Variants in PLOD3 observed in about 807,000 individuals in gnomAD.
The protein encoded by PLOD3 is procollagen-lysine,2-oxoglutarate 5-dioxygenase 3.
Under a neutral mutation model 96.9 loss-of-function variants are expected in PLOD3, and 73 were observed. The observed-to-expected ratio is 0.75, with a 90% confidence interval of 0.62 to 0.92. The LOEUF (loss-of-function observed/expected upper bound fraction) is 0.92, where lower values mean the gene tolerates loss of function less well. Ranked by LOEUF, PLOD3 falls within the 40% of genes least tolerant of loss-of-function variation. The probability of loss-of-function intolerance (pLI) is 0.00; values close to 1 mark genes in which losing one functional copy is unlikely to be tolerated. For missense variants in PLOD3, 1,004 were observed against 1,004.3 expected, an observed-to-expected ratio of 1.00 and a Z score of 0.00; for synonymous variants, 454 against 413.7, an observed-to-expected ratio of 1.10 and a Z score of -1.18.
At chr7:101,217,027 G>T in intron 1 of PLOD3, 139 bp downstream of exon 1, 1 of 998,468 alleles carries the variant, frequency 1.0e-6, no homozygotes, top group Non-Finnish European at 1.4e-6. Flanking sequence ...CGAGGGGCTT[G>T]GCGCGACTCA....
chr7:101,216,194 C>T lies in PLOD3; in HGVS notation c.471G>A (p.Val157=), dbSNP rs933104019. ...AATTGAGGAAGCGCTTCCCCGTGCC[C>T]ACCTCAGGGTACTGCTCCGCCAGCC... ...EWGLAEQYPE[V]GTGKRFLNSG... The change falls in exon 4 of 19, where the codon GTG becomes GTA. Residue 157 remains valine, a synonymous_variant. Coordinates refer to ENST00000223127, the MANE Select transcript of PLOD3 (RefSeq NM_001084.5). The T allele has an allele frequency of 3.1e-6, 5 of 1,614,062 alleles. No homozygotes were observed. The highest frequency in any genetic ancestry group is 4.2e-6 in the Non-Finnish European group (5 of 1,180,030).
In PLOD3 at chr7:101,216,084, G is replaced by A. The variant is rs1798266280; in HGVS notation, c.503-64C>T. ...GGTCCCAGGGCCTGTCCCCCAGGCTGTCTCCAGCCCTCAGGCGCCTTTAAC... is the reference window on the plus strand; with the variant it reads ...GGTCCCAGGGCCTGTCCCCCAGGCTATCTCCAGCCCTCAGGCGCCTTTAAC... On this transcript the variant is annotated intron_variant, in intron 4 of 18. Transcript: ENST00000223127. 1.9e-6 allele frequency: 3 copies of A among 1,607,394 alleles called. No individual in the cohort carries two copies. The East Asian group carries it at 6.7e-5, about 36-fold the overall frequency.
Position 101,206,095 on chromosome 7 carries a change from G to A in PLOD3, c.*186C>T, listed in dbSNP as rs1341878749. 1.9e-5 allele frequency: 13 copies of A among 690,028 alleles called. No homozygotes were observed. Among genetic ancestry groups the A allele is most frequent in the South Asian group, 4.8e-5 (3 of 62,130 alleles). 42.7% of individuals were successfully genotyped at this position (690,028 alleles called of 1,614,324 possible). On this transcript the variant is annotated 3_prime_UTR_variant, in exon 19 of 19. Coordinates refer to ENST00000223127, the MANE Select transcript of PLOD3 (RefSeq NM_001084.5). ...ACCCCTGTGGGCGGAGGAGAGAGGCGGGGACTCCGGGAGCTTCCTGAGAGG... is the reference window on the plus strand; with the variant it reads ...ACCCCTGTGGGCGGAGGAGAGAGGCAGGGACTCCGGGAGCTTCCTGAGAGG...
Position 101,217,557 on chromosome 7 carries a change from G to T in PLOD3, c.-283C>A. On this transcript the variant is annotated 5_prime_UTR_variant, in exon 1 of 19. Transcript: ENST00000223127. Reference sequence around the variant, plus strand: ...GGCGGGCGGGAGACAGGGACTCTGGGCTGAGCCAGCCGCTTGACACATGTG... The same window carrying T: ...GGCGGGCGGGAGACAGGGACTCTGGTCTGAGCCAGCCGCTTGACACATGTG... 2.0e-6 allele frequency: 1 copy of T among 488,028 alleles called. No individual in the cohort carries two copies. Among genetic ancestry groups the T allele is most frequent in the Non-Finnish European group, 3.6e-6 (1 of 276,984 alleles). 30.2% of individuals were successfully genotyped at this position (488,028 alleles called of 1,614,324 possible).
At chr7:101,214,671 C>G (rs530908070) in intron 6 of PLOD3, among the ~76,000 whole-genome samples, 119 of 152,068 alleles carry the variant, frequency 7.8e-4, no homozygotes, top group African/African-American at 2.7e-3. Flanking sequence ...AACCCTGTCT[C>G]TACTAAAAAT....
rs762101725 is a variant in PLOD3, at chr7:101,211,729, G to A, written c.1233-13C>T. On this transcript the variant is annotated splice_polypyrimidine_tract_variant and intron_variant, in intron 11 of 18. Coordinates refer to ENST00000223127, the MANE Select transcript of PLOD3 (RefSeq NM_001084.5). ...GGCGATCACCTTCCTGCGGACAGGT[G>A]GGGGTGAGGGCTGGGCAGACGGGAG... 5.0e-6 allele frequency: 8 copies of A among 1,600,648 alleles called. No individual in the cohort carries two copies. The highest frequency in any genetic ancestry group is 2.3e-5 in the East Asian group (1 of 44,254).
chr7:101,207,086 A>C (rs533775324), intron 17 of PLOD3, among the ~76,000 whole-genome samples, 182 bp from the exon 18 acceptor site: 196 of 151,880 alleles, frequency 1.3e-3, no homozygotes, highest in Middle Eastern at 3.4e-3. Context: ...AGCAATTCTC[A>C]TGCCTCAGCC....
chr7:101,215,763 A>G, intron 5 of PLOD3, 145 bp downstream of exon 5: 1 of 694,332 alleles, frequency 1.4e-6, no homozygotes, highest in South Asian at 1.5e-5. Context: ...AAGCCTCCCA[A>G]AAGTCTTGGA....
Position 101,212,877 on chromosome 7 carries a change from A to G in PLOD3, c.844T>C (p.Cys282Arg). The G allele has an allele frequency of 6.2e-7, 1 of 1,613,640 alleles. No homozygotes were observed. The highest frequency in any genetic ancestry group is 1.3e-5 in the African/African-American group (1 of 74,982). The stretch of plus-strand genomic sequence containing the variant: ...GGGAGTGTCCTCCGGTCCTGGTTGC[A>G]GAAGCCACAGCCTCCCTCAGGAGTC... ...GWTPEGGCGF[C>R]NQDRRTLPGG... The change falls in exon 8 of 19, where the codon TGC becomes CGC. Residue 282 changes from cysteine (C) to arginine (R), a missense_variant. By Grantham distance (180) the Cys-to-Arg change is radical (BLOSUM62 -3). Coordinates refer to ENST00000223127, the MANE Select transcript of PLOD3 (RefSeq NM_001084.5).
At chr7:101,208,539 C>T in intron 16 of PLOD3, 1 of 368,578 alleles carries the variant, frequency 2.7e-6, no homozygotes, top group Non-Finnish European at 5.3e-6. Context: ...CCGCACCTGG[C>T]CCAAACTCGG....
intron 12 of PLOD3, 94 bp downstream of exon 12, chr7:101,211,497 T>C: frequency 7.5e-7 from 1 of 1,341,792 alleles, no homozygotes; most frequent in Non-Finnish European, 1.0e-6. Context: ...CACCTCTGAC[T>C]GGTGACCACT....
In PLOD3 at chr7:101,216,205, ACTGCTCCGCC is replaced by A; in HGVS notation, c.450_459del (p.Ala151ThrfsTer51). The A allele has an allele frequency of 6.2e-7, 1 of 1,613,944 alleles. No individual in the cohort carries two copies. The highest frequency in any genetic ancestry group is 8.5e-7 in the Non-Finnish European group (1 of 1,179,994). On this transcript the variant is annotated frameshift_variant, in exon 4 of 19. Transcript: ENST00000223127. LOFTEE classifies it high-confidence loss of function. ...CGCTTCCCCGTGCCCACCTCAGGGT[ACTGCTCCGCC>A]AGCCCCCACTCGGGCCAGCAGAAGC...
chr7:101,208,025 C>T (rs888822521), intron 16 of PLOD3, among the ~76,000 whole-genome samples: 8 of 152,186 alleles, frequency 5.3e-5, no homozygotes, highest in Non-Finnish European at 1.0e-4. Context: ...GGCTGCTGCT[C>T]ACAGCAGGGC....
rs1257153873 is a variant in PLOD3, at chr7:101,212,885, C to T, written c.836G>A (p.Cys279Tyr). ...CCTCCGGTCCTGGTTGCAGAAGCCACAGCCTCCCTCAGGAGTCCAGCCATT... is the reference window on the plus strand; with the variant it reads ...CCTCCGGTCCTGGTTGCAGAAGCCATAGCCTCCCTCAGGAGTCCAGCCATT... ...VPNGWTPEGG[C>Y]GFCNQDRRTL... The change falls in exon 8 of 19, where the codon TGT becomes TAT. Residue 279 changes from cysteine to tyrosine, a missense_variant. By Grantham distance (194) the Cys-to-Tyr change is radical (BLOSUM62 -2). Transcript: ENST00000223127. 6.2e-7 allele frequency: 1 copy of T among 1,613,710 alleles called. No individual in the cohort carries two copies.
Position 101,215,143 on chromosome 7 carries a change from TGA to T in PLOD3, c.623_624del (p.Leu208GlnfsTer3), listed in dbSNP as rs767585292. The stretch of plus-strand genomic sequence containing the variant: ...CGAGACTTATGATCCAGATTAAGGC[TGA>T]GTTTCTCCTAAATGGAATGAGATGC... ...LYLDPGLREKLSLNLDHKSRI... is the reference protein window; with the variant it reads ...LYLDPGLREKXSLNLDHKSRI... On this transcript the variant is annotated frameshift_variant, in exon 6 of 19. Coordinates refer to ENST00000223127, the MANE Select transcript of PLOD3 (RefSeq NM_001084.5). LOFTEE classifies it high-confidence loss of function. 2 of 1,611,108 alleles carry T rather than the reference TGA, an allele frequency of 1.2e-6. No individual in the cohort carries two copies. Among genetic ancestry groups the T allele is most frequent in the Non-Finnish European group, 1.7e-6 (2 of 1,177,138 alleles).
At chr7:101,213,881 T>C (rs943961309) in intron 6 of PLOD3, among the ~76,000 whole-genome samples, 2 of 151,980 alleles carry the variant, frequency 1.3e-5, no homozygotes, top group African/African-American at 4.8e-5. Context: ...GTGTTTTTAG[T>C]AGAGACAGGG....
intron 12 of PLOD3, chr7:101,210,991 C>T (rs921004811): frequency 1.7e-5 from 6 of 345,372 alleles, no homozygotes; most frequent in Non-Finnish European, 2.7e-5. Flanking sequence ...AGCAATTCTC[C>T]CACCTTAGCC....
chr7:101,212,391 TA>T lies in PLOD3; in HGVS notation c.1006-18del, dbSNP rs1372775609. 3.7e-6 allele frequency: 6 copies of T among 1,606,928 alleles called. No homozygotes were observed. The Admixed American group carries it at 6.7e-5, about 18-fold the overall frequency. ...GAAGACCTCCTGGGAGGGGAAGACA[TA>T]GGGGGATGGGCTCAGAGGGCAGGGA... On this transcript the variant is annotated intron_variant, in intron 9 of 18. Transcript: ENST00000223127.
rs918757320 is a variant in PLOD3, at chr7:101,217,485, A to T, written c.-211T>A. 20 of 475,192 alleles carry T rather than the reference A, an allele frequency of 4.2e-5. No individual in the cohort carries two copies. Among genetic ancestry groups the T allele is most frequent in the African/African-American group, 2.5e-4 (12 of 47,718 alleles). The allele number at this position is 475,192 out of a possible 1,614,324, so 29.4% of individuals were successfully genotyped here. ...TGCCGGCGCCACAGACAAGGCGAGG[A>T]TTGTCCCGGGCGCACGGGAGGCGGG... On this transcript the variant is annotated 5_prime_UTR_variant, in exon 1 of 19. Coordinates refer to ENST00000223127, the MANE Select transcript of PLOD3 (RefSeq NM_001084.5).
Sources: allele counts gnomAD v4.1 joint callset (sites outside exome capture counted in the v4.1 genomes callset), GRCh38; gene constraint gnomAD v4.1.1; transcripts MANE v1.5; gene names NCBI Gene and HGNC (gene_info 2026-07-23, HGNC 2026-07-21).